Variants in UBR4 observed in about 807,000 individuals in gnomAD.
UBR4 encodes ubiquitin protein ligase E3 component n-recognin 4.
Under a neutral mutation model 575.6 loss-of-function variants are expected in UBR4, and 124 were observed. The observed-to-expected ratio is 0.22, with a 90% confidence interval of 0.19 to 0.25. The LOEUF (loss-of-function observed/expected upper bound fraction) is 0.25. Among genes scored for constraint, UBR4 ranks in the 10% least tolerant of loss-of-function variants. The probability of loss-of-function intolerance (pLI) is 1.00; values close to 1 mark genes in which losing one functional copy is unlikely to be tolerated. For missense variants in UBR4, 4,818 were observed against 6,478.8 expected (o/e 0.74, Z 8.80); for synonymous variants, 2,455 against 2,473.7 (o/e 0.99, Z 0.22).
chr1:19,149,862 C>T (rs544624888), intron 49 of UBR4: 1 of 1,234,106 alleles, frequency 8.1e-7, no homozygotes. Context: ...CCCGGAAACA[C>T]ATCCTAAGCA....
chr1:19,152,593 A>T lies in UBR4; in HGVS notation c.6833-117T>A. On this transcript the variant is annotated intron_variant, in intron 46 of 105. Transcript: ENST00000375254. This position sits in a 1 kb window ranked among gnomAD's most constrained non-coding sequence, Gnocchi z 4.4. ...ACACTCTAATCTAAGCAAACTCTGG[A>T]TTATAACATTTGCATCGGCATGATG... The T allele has an allele frequency of 7.4e-7, 1 of 1,360,164 alleles. No individual in the cohort carries two copies. Among genetic ancestry groups the T allele is most frequent in the Non-Finnish European group, 1.0e-6 (1 of 986,382 alleles). The allele number at this position is 1,360,164 out of a possible 1,614,324, so 84.3% of individuals were successfully genotyped here.
chr1:19,180,041 G>C (rs114632480), intron 17 of UBR4, among the ~76,000 whole-genome samples: 3,141 of 152,308 alleles, frequency 0.021, 76 homozygotes, highest in Non-Finnish European at 0.026. Context: ...AGTTACCATA[G>C]GTTGAGCTAA....
intron 33 of UBR4, 34 bp from the exon 34 acceptor site, chr1:19,163,861 G>C: frequency 6.2e-7 from 1 of 1,610,674 alleles, no homozygotes; most frequent in Non-Finnish European, 8.5e-7. Flanking sequence ...GGAAAGAGGA[G>C]ACACAAAATC....
At chr1:19,184,972 C>T in intron 15 of UBR4, 127 bp downstream of exon 15, 1 of 1,192,418 alleles carries the variant, frequency 8.4e-7, no homozygotes, top group Non-Finnish European at 1.2e-6. Context: ...CATATAAGTC[C>T]TAAGCAAAAA....
intron 1 of UBR4, among the ~76,000 whole-genome samples, chr1:19,206,097 A>T (rs1224620158): frequency 6.6e-6 from 1 of 152,216 alleles, no homozygotes; most frequent in Non-Finnish European, 1.5e-5. Context: ...GTTCTGCTCC[A>T]TTTCTGGCTT....
Position 19,074,580 on chromosome 1 carries a change from C to T in UBR4, c.*252G>A. 2 of 539,206 alleles carry T rather than the reference C, an allele frequency of 3.7e-6. No individual in the cohort carries two copies. The highest frequency in any genetic ancestry group is 6.7e-6 in the Non-Finnish European group (2 of 298,518). 33.4% of individuals were successfully genotyped at this position (539,206 alleles called of 1,614,324 possible). ...CACTCAAGTATGAAGCTGGCCGGGA[C>T]AACTCATGGCTCCTAGGTATGTACA... On this transcript the variant is annotated 3_prime_UTR_variant, in exon 106 of 106. Coordinates refer to ENST00000375254, the MANE Select transcript of UBR4 (RefSeq NM_020765.3).
intron 11 of UBR4, among the ~76,000 whole-genome samples, chr1:19,190,312 A>AAAAAT: frequency 1.3e-5 from 1 of 79,918 alleles, no homozygotes; most frequent in African/African-American, 5.3e-5. Context: ...AAAAAAAAAA[A>AAAAAT]ATATATATAT....
chr1:19,209,818 G>T (rs1386652956), intron 1 of UBR4, among the ~76,000 whole-genome samples: 1 of 152,222 alleles, frequency 6.6e-6, no homozygotes, highest in Non-Finnish European at 1.5e-5. Flanking sequence ...TCTCAACCAT[G>T]TCCGGCCACG....
rs139621326 is a variant in UBR4 at position 19,155,209 on chromosome 1, C to A, written c.6301-134G>T. ...AAGCATGAGATCCCTGTGGGTAAAT[C>A]TTACAAAGACCCTGAGAAAAATGGA... On this transcript the variant is annotated intron_variant, in intron 43 of 105. Transcript: ENST00000375254. 1.7e-4 allele frequency: 219 copies of A among 1,289,234 alleles called. 3 individuals carry two copies. In the East Asian group the frequency reaches 2.7e-3, roughly 16 times the overall value. The allele number at this position is 1,289,234 out of a possible 1,614,324, so 79.9% of individuals were successfully genotyped here.
Position 19,081,569 on chromosome 1 carries a change from G to A in UBR4, c.15013C>T (p.Arg5005Ter), listed in dbSNP as rs766632845. ...HTVLYVLNTT[R>*]ATSREEKNLQ... ...TTCTTCTCTTCTCGGGAAGTTGCTC[G>A]GGTTCTAGAAGAAAAGCGGCATGAT... Residue 5005 changes from arginine (R) to a stop codon, truncating the protein, a stop_gained, in exon 103 of 106, where the codon CGA (arginine) becomes TGA (stop). Transcript: ENST00000375254. LOFTEE classifies it high-confidence loss of function. 3.1e-6 allele frequency: 5 copies of A among 1,614,052 alleles called. No individual in the cohort carries two copies. Among genetic ancestry groups the A allele is most frequent in the Non-Finnish European group, 2.5e-6 (3 of 1,180,022 alleles).
At chr1:19,174,491 T>C in intron 21 of UBR4, 44 bp from the exon 22 acceptor site, 1 of 1,594,498 alleles carries the variant, frequency 6.3e-7, no homozygotes, top group Non-Finnish European at 8.5e-7. Flanking sequence ...ACTTTTAAAG[T>C]ATTTTTTCCT....
chr1:19,185,692 G>A (rs1327735749), intron 14 of UBR4, among the ~76,000 whole-genome samples: 1 of 150,854 alleles, frequency 6.6e-6, no homozygotes, highest in African/African-American at 2.4e-5. Context: ...TCCTGCCTCA[G>A]TCTCCCGAGT....
chr1:19,117,447 G>C lies in UBR4; in HGVS notation c.10630-33C>G. On this transcript the variant is annotated intron_variant, in intron 72 of 105. Transcript: ENST00000375254. This position sits in a 1 kb window ranked among gnomAD's most constrained non-coding sequence, Gnocchi z 4.0. ...CAAGAGTTCACAAAACATGGTATTA[G>C]TTCAAGACTCGTACTGCCTTTTTAA... 6.2e-7 allele frequency: 1 copy of C among 1,604,922 alleles called. No individual in the cohort carries two copies. Among genetic ancestry groups the C allele is most frequent in the Non-Finnish European group, 8.5e-7 (1 of 1,172,124 alleles).
At chr1:19,151,893 CAGA>C in intron 47 of UBR4, 34 bp from the exon 48 acceptor site, 1 of 1,524,528 alleles carries the variant, frequency 6.6e-7, no homozygotes, top group Non-Finnish European at 8.8e-7. Context: ...CAAGAAACTA[CAGA>C]AGTTCTTAAG....
chr1:19,184,250 A>G, intron 15 of UBR4, 75 bp from the exon 16 acceptor site: 4 of 1,480,802 alleles, frequency 2.7e-6, no homozygotes, highest in East Asian at 2.3e-5. Flanking sequence ...GATTACAAAT[A>G]GAAAATAAAA....
rs954618037 is a variant in UBR4 at position 19,084,850 on chromosome 1, G to A, written c.14814-152C>T. On this transcript the variant is annotated intron_variant, in intron 101 of 105. Coordinates refer to ENST00000375254, the MANE Select transcript of UBR4 (RefSeq NM_020765.3). Reference sequence around the variant, plus strand: ...AATACAAGGGAAAGTTGAGGCCAAGGCTGGGGCCAGCAGGACGACAAGGCC... The same window carrying A: ...AATACAAGGGAAAGTTGAGGCCAAGACTGGGGCCAGCAGGACGACAAGGCC... 5 of 725,028 alleles carry A rather than the reference G, an allele frequency of 6.9e-6. No homozygotes were observed. In the African/African-American group the frequency reaches 9.0e-5, roughly 13 times the overall value. 44.9% of individuals were successfully genotyped at this position (725,028 alleles called of 1,614,324 possible).
Position 19,197,815 on chromosome 1 carries a change from A to C in UBR4, c.752-4T>G, listed in dbSNP as rs2092550160. 1.2e-6 allele frequency: 2 copies of C among 1,613,924 alleles called. No homozygotes were observed. The highest frequency in any genetic ancestry group is 1.7e-6 in the Non-Finnish European group (2 of 1,179,970). ...CGCAGTAGCTTCTCCGAGCCACCTA[A>C]ATGAATGAAAACCACAACCTTACAA... On this transcript the variant is annotated splice_region_variant and splice_polypyrimidine_tract_variant and intron_variant, in intron 6 of 105. Transcript: ENST00000375254.
At chr1:19,128,043 C>A (rs531374376) in intron 62 of UBR4, among the ~76,000 whole-genome samples, 168 bp downstream of exon 62, 1 of 152,150 alleles carries the variant, frequency 6.6e-6, no homozygotes, top group South Asian at 2.1e-4. Context: ...AAACTATGCT[C>A]GGGCCAAAGC....
chr1:19,172,776 AAG>A (rs1347811291), intron 25 of UBR4, 86 bp downstream of exon 25: 2 of 1,380,752 alleles, frequency 1.4e-6, no homozygotes, highest in Admixed American at 1.8e-5. Context: ...AAGCTGAAGA[AAG>A]AGAAAAATGT....
Sources: gnomAD v4.1 joint callset for allele counts (sites outside exome capture counted in the v4.1 genomes callset) on GRCh38, gnomAD v4.1.1 for gene constraint, Gnocchi (gnomAD v3.1) non-coding constraint, MANE v1.5 for transcripts, NCBI Gene and HGNC (gene_info 2026-07-23, HGNC 2026-07-21) for gene names.